Variants in STYXL2 observed in about 807,000 individuals in gnomAD.
STYXL2 encodes the protein serine/threonine/tyrosine-interacting-like protein 2.
STYXL2 carries 44 observed loss-of-function variants against 52.4 expected under a neutral mutation model. The ratio of observed to expected loss-of-function variants is 0.84; its 90% CI spans 0.66 to 1.08. STYXL2 has a LOEUF of 1.08. STYXL2 is among the 50% of genes least tolerant of loss of function. The pLI is 0.00. For missense variants in STYXL2, 1,604 were observed against 1,471.7 expected, an observed-to-expected ratio of 1.09 and a Z score of -1.47; for synonymous variants, 604 against 586.9, an observed-to-expected ratio of 1.03 and a Z score of -0.42.
In STYXL2 at chr1:167,117,309, T is replaced by A; in HGVS notation, c.206-19T>A. ...GATGTTCCTAACTCTCTGATGAGAA[T>A]GCTGCCTGTCTCCTCTAGAACTCAA... On this transcript the variant is annotated intron_variant, in intron 3 of 5. Coordinates refer to ENST00000361200, the MANE Select transcript of STYXL2 (RefSeq NM_001080426.3). The A allele has an allele frequency of 6.3e-7, 1 of 1,584,732 alleles. No homozygotes were observed. The highest frequency in any genetic ancestry group is 8.6e-7 in the Non-Finnish European group (1 of 1,163,692).
chr1:167,097,079 G>T (rs1667301787), intron 2 of STYXL2, among the ~76,000 whole-genome samples: 1 of 152,194 alleles, frequency 6.6e-6, no homozygotes, highest in Non-Finnish European at 1.5e-5. Flanking sequence ...TCCTAGATTT[G>T]ACCTTGATTT....
intron 2 of STYXL2, among the ~76,000 whole-genome samples, chr1:167,096,886 G>A (rs1401778034): frequency 6.6e-6 from 1 of 152,164 alleles, no homozygotes; most frequent in African/African-American, 2.4e-5. Context: ...ACCAACTGCT[G>A]CATATGTAGT....
intron 2 of STYXL2, among the ~76,000 whole-genome samples, chr1:167,107,665 C>T (rs1358812186): frequency 1.3e-5 from 2 of 152,206 alleles, no homozygotes; most frequent in Non-Finnish European, 2.9e-5. Flanking sequence ...CAGAAATTAT[C>T]TATGAAACAT....
At position 167,127,843 on chromosome 1, in the gene STYXL2, C is replaced by G. The variant is rs373810108; in HGVS notation, c.2712C>G (p.Ser904=). The change falls in exon 6 of 6, where the codon TCC becomes TCG. Residue 904 remains serine, a synonymous_variant. Transcript: ENST00000361200. ...GSFRYSSRSN[S]QKPETDTCSS... ...TCCGATATTCTTCCCGCAGTAATTCCCAGAAACCTGAAACAGACACATGCT... is the reference window on the plus strand; with the variant it reads ...TCCGATATTCTTCCCGCAGTAATTCGCAGAAACCTGAAACAGACACATGCT... 4 of 1,613,704 alleles carry G rather than the reference C, an allele frequency of 2.5e-6. No individual in the cohort carries two copies. In the African/African-American group the frequency reaches 4.0e-5, roughly 16 times the overall value.
At chr1:167,121,445 G>A (rs1190882615) in intron 5 of STYXL2, among the ~76,000 whole-genome samples, 1 of 152,264 alleles carries the variant, frequency 6.6e-6, no homozygotes, top group Admixed American at 6.5e-5. Context: ...CCTCGAGGCG[G>A]AGCGGGTACG....
chr1:167,121,480 A>G (rs906015372), intron 5 of STYXL2, among the ~76,000 whole-genome samples: 2 of 152,226 alleles, frequency 1.3e-5, no homozygotes, highest in African/African-American at 4.8e-5. Context: ...AGGCGTGTGG[A>G]CACGGCCACG....
intron 2 of STYXL2, among the ~76,000 whole-genome samples, chr1:167,101,491 T>A (rs2102223130): frequency 6.6e-6 from 1 of 152,250 alleles, no homozygotes; most frequent in Middle Eastern, 3.4e-3. Flanking sequence ...TACTCCTAGG[T>A]ATATACTCAA....
At chr1:167,112,072 G>T (rs534653174) in intron 2 of STYXL2, among the ~76,000 whole-genome samples, 1 of 152,242 alleles carries the variant, frequency 6.6e-6, no homozygotes, top group South Asian at 2.1e-4. Context: ...CGCCCATGCA[G>T]CCTCTAGTGA....
At position 167,126,609 on chromosome 1, in the gene STYXL2, G is replaced by C. The variant is rs377133783; in HGVS notation, c.1478G>C (p.Arg493Pro). 4.3e-6 allele frequency: 7 copies of C among 1,613,940 alleles called. No individual in the cohort carries two copies. The highest frequency in any genetic ancestry group is 1.7e-5 in the Admixed American group (1 of 59,992). ...RLLEIEKEAS[R>P]RYHAKSKREE... is the part of the protein sequence containing the mutation. Reference sequence around the variant, plus strand: ...CTGGAGATTGAGAAGGAGGCTTCCCGGAGGTACCACGCCAAGAGCAAGAGA... The same window carrying C: ...CTGGAGATTGAGAAGGAGGCTTCCCCGAGGTACCACGCCAAGAGCAAGAGA... The change falls in exon 6 of 6, where the codon CGG (arginine) becomes CCG (proline). Residue 493 changes from arginine (R) to proline (P), a missense_variant. Coordinates refer to ENST00000361200, the MANE Select transcript of STYXL2 (RefSeq NM_001080426.3).
rs1172363461 is a variant in STYXL2, at chr1:167,126,961, G to C, written c.1830G>C (p.Glu610Asp). Reference protein sequence around the residue: ...VGSENKEEVVELSKGEDSALA... With the variant: ...VGSENKEEVVDLSKGEDSALA... The stretch of plus-strand genomic sequence containing the variant: ...GTGAGAACAAGGAGGAGGTGGTGGA[G>C]CTCAGCAAGGGGGAGGACTCGGCCT... The change falls in exon 6 of 6, where the codon GAG (glutamate) becomes GAC (aspartate). Residue 610 changes from glutamate (E) to aspartate (D), a missense_variant. By Grantham distance (45) the Glu-to-Asp change is conservative. Transcript: ENST00000361200. The C allele has an allele frequency of 6.2e-7, 1 of 1,610,722 alleles. No individual in the cohort carries two copies. The highest frequency in any genetic ancestry group is 8.5e-7 in the Non-Finnish European group (1 of 1,178,458).
Position 167,126,541 on chromosome 1 carries a change from G to T in STYXL2, c.1410G>T (p.Ser470=), listed in dbSNP as rs149064504. ...ACGGCAGGAGGCGCCGCGCAGACTC[G>T]ATGTCCTCGGAGAGCACCTGGGACG... ...PDHGRRRRAD[S]MSSESTWDAW... Residue 470 remains serine, a synonymous_variant, in exon 6 of 6, where the codon TCG becomes TCT. Transcript: ENST00000361200. 1.9e-6 allele frequency: 3 copies of T among 1,613,702 alleles called. No homozygotes were observed. Among genetic ancestry groups the T allele is most frequent in the East Asian group, 2.2e-5 (1 of 44,804 alleles).
intron 2 of STYXL2, among the ~76,000 whole-genome samples, chr1:167,104,553 G>A (rs1265871581): frequency 1.3e-5 from 2 of 152,080 alleles, no homozygotes; most frequent in African/African-American, 4.8e-5. Flanking sequence ...TGTTTCTTTG[G>A]GAAATGGCTC....
chr1:167,111,624 T>C (rs1195178854), intron 2 of STYXL2, among the ~76,000 whole-genome samples: 3 of 151,508 alleles, frequency 2.0e-5, no homozygotes, highest in Non-Finnish European at 4.4e-5. Flanking sequence ...AAACCATTAT[T>C]GTAAGTGAAG....
chr1:167,126,920 C>T lies in STYXL2; in HGVS notation c.1789C>T (p.Gln597Ter), dbSNP rs562950788. 6.8e-6 allele frequency: 11 copies of T among 1,611,574 alleles called. No individual in the cohort carries two copies. In the African/African-American group the frequency reaches 1.3e-4, roughly 20 times the overall value. Residue 597 changes from glutamine to a stop codon, truncating the protein, a stop_gained, in exon 6 of 6, where the codon CAG becomes TAG. Transcript: ENST00000361200. LOFTEE classifies it low-confidence loss of function (END_TRUNC). ...CTACCAGGCCTGGAAGCTGAAACAC[C>T]AGAAGAAGGTGGGCAGTGAGAACAA... ...TAYQAWKLKHQKKVGSENKEE... is the reference protein window; with the variant it reads ...TAYQAWKLKH
Position 167,128,549 on chromosome 1 carries a change from G to C in STYXL2, c.3418G>C (p.Ala1140Pro). The part of the protein sequence containing the change: ...EEMDDEAIIA[A>P]WRRRQEETRT... ...AATGGACGATGAAGCCATCATTGCT[G>C]CTTGGAGACGCCGGCAAGAAGAAAC... Residue 1140 changes from alanine (A) to proline (P), a missense_variant, in exon 6 of 6, where the codon GCT becomes CCT. Physicochemically the swap from Ala to Pro is conservative, Grantham distance 27 (BLOSUM62 -1). Transcript: ENST00000361200. The C allele has an allele frequency of 1.2e-6, 2 of 1,613,848 alleles. No individual in the cohort carries two copies. Among genetic ancestry groups the C allele is most frequent in the East Asian group, 2.2e-5 (1 of 44,852 alleles).
chr1:167,106,179 A>G (rs563885763), intron 2 of STYXL2, among the ~76,000 whole-genome samples: 1 of 152,336 alleles, frequency 6.6e-6, no homozygotes, highest in African/African-American at 2.4e-5. Flanking sequence ...AACGTTATTT[A>G]GGGAAAGTGG....
At chr1:167,111,204 G>A (rs559881607) in intron 2 of STYXL2, among the ~76,000 whole-genome samples, 39 of 151,912 alleles carry the variant, frequency 2.6e-4, no homozygotes, top group Admixed American at 7.2e-4. Context: ...GATGTGGTGC[G>A]AAGGGAACAC....
At chr1:167,115,573 C>T (rs1460369716) in intron 3 of STYXL2, among the ~76,000 whole-genome samples, 1 of 152,088 alleles carries the variant, frequency 6.6e-6, no homozygotes, top group Non-Finnish European at 1.5e-5. Flanking sequence ...AGGAAGACAA[C>T]ACCGTGTATT....
At chr1:167,119,564 G>T in intron 5 of STYXL2, 98 bp downstream of exon 5, 4 of 1,025,922 alleles carry the variant, frequency 3.9e-6, no homozygotes, top group Non-Finnish European at 5.8e-6. Context: ...TGTGTGAGGG[G>T]TATCTGTCTT....
Sources: gnomAD v4.1 joint callset for allele counts (sites outside exome capture counted in the v4.1 genomes callset) on GRCh38, gnomAD v4.1.1 for gene constraint, MANE v1.5 for transcripts, NCBI Gene and HGNC (gene_info 2026-07-23, HGNC 2026-07-21) for gene names.